ATP8A1: variants seen among roughly 807,000 people sequenced by gnomAD.
ATP8A1 encodes the protein phospholipid-transporting ATPase IA.
Under a neutral mutation model 177.7 loss-of-function variants are expected in ATP8A1, and 90 were observed. That is an observed-to-expected ratio of 0.51 (90% CI 0.43 to 0.60). ATP8A1 has a LOEUF of 0.60. ATP8A1 is among the 20% of genes least tolerant of loss of function. The probability of loss-of-function intolerance (pLI) is 0.00; values close to 1 mark genes in which losing one functional copy is unlikely to be tolerated. For missense variants in ATP8A1, 1,072 were observed against 1,392.8 expected (o/e 0.77, Z 3.67); for synonymous variants, 493 against 485.9 (o/e 1.01, Z -0.19).
chr4:42,423,622 G>A lies in ATP8A1; in HGVS notation c.3207C>T (p.Tyr1069=), dbSNP rs1191244573. The change falls in exon 34 of 37, where the codon TAC becomes TAT. Residue 1069 remains tyrosine, a synonymous_variant. Transcript: ENST00000381668. ...ATAACTGAGTATATACTTACACCTTGTACACCACATCAAGGAGCAGAGATG... is the reference window on the plus strand; with the variant it reads ...ATAACTGAGTATATACTTACACCTTATACACCACATCAAGGAGCAGAGATG... ...PVASLLLDVV[Y]KVIKRTAFKT... 3 of 1,608,132 alleles carry A rather than the reference G, an allele frequency of 1.9e-6. No homozygotes were observed. The highest frequency in any genetic ancestry group is 1.1e-5 in the South Asian group (1 of 90,038).
At chr4:42,633,862 C>T (rs1017096747) in intron 1 of ATP8A1, among the ~76,000 whole-genome samples, 4 of 152,180 alleles carry the variant, frequency 2.6e-5, no homozygotes, top group Admixed American at 6.5e-5. Flanking sequence ...TGAGTTGAGA[C>T]CTTGATGACA....
intron 18 of ATP8A1, among the ~76,000 whole-genome samples, chr4:42,550,671 C>T (rs1309588594): frequency 6.6e-6 from 1 of 152,128 alleles, no homozygotes; most frequent in Non-Finnish European, 1.5e-5. Flanking sequence ...GTGGTTCATG[C>T]CTGTAATCCC....
intron 31 of ATP8A1, among the ~76,000 whole-genome samples, chr4:42,445,685 T>C (rs994406330): frequency 8.5e-5 from 13 of 152,194 alleles, no homozygotes; most frequent in Admixed American, 5.2e-4. Context: ...GTAAGAACAG[T>C]TGAGCTTTCT....
chr4:42,478,502 C>A (rs1434845499), intron 25 of ATP8A1, among the ~76,000 whole-genome samples: 1 of 151,982 alleles, frequency 6.6e-6, no homozygotes, highest in African/African-American at 2.4e-5. Flanking sequence ...ATATGAAACA[C>A]TTGAGAATAT....
At chr4:42,433,586 G>C (rs1268727313) in intron 33 of ATP8A1, among the ~76,000 whole-genome samples, 1 of 152,110 alleles carries the variant, frequency 6.6e-6, no homozygotes, top group African/African-American at 2.4e-5. Flanking sequence ...ATTCTCAGCA[G>C]CTTTTGATTA....
chr4:42,453,569 C>T (rs1718161841), intron 29 of ATP8A1, among the ~76,000 whole-genome samples: 2 of 152,206 alleles, frequency 1.3e-5, no homozygotes, highest in South Asian at 4.1e-4. Flanking sequence ...AAACAATATA[C>T]TACCCGCTAT....
intron 33 of ATP8A1, among the ~76,000 whole-genome samples, chr4:42,427,776 GGA>G (rs1254632410): frequency 2.0e-5 from 3 of 152,226 alleles, no homozygotes; most frequent in South Asian, 2.1e-4. Context: ...GCATCCTCTT[GGA>G]GAGTCACAGC....
intron 9 of ATP8A1, among the ~76,000 whole-genome samples, chr4:42,585,634 T>G (rs898051480): frequency 1.3e-5 from 2 of 151,556 alleles, no homozygotes; most frequent in Non-Finnish European, 2.9e-5. Flanking sequence ...AATTCATAAA[T>G]TACCCAGTCT....
intron 16 of ATP8A1, 56 bp from the exon 17 acceptor site, chr4:42,552,666 A>C: frequency 8.2e-7 from 1 of 1,225,174 alleles, no homozygotes; most frequent in Non-Finnish European, 1.2e-6. Context: ...TTTGACACTG[A>C]CAGTAATATT....
At chr4:42,543,187 T>C (rs1297205283) in intron 20 of ATP8A1, among the ~76,000 whole-genome samples, 2 of 152,210 alleles carry the variant, frequency 1.3e-5, no homozygotes, top group Non-Finnish European at 1.5e-5. Flanking sequence ...ATTTAAATAA[T>C]AGGCTTGAGC....
At chr4:42,610,148 T>C (rs954574361) in intron 5 of ATP8A1, among the ~76,000 whole-genome samples, 3 of 147,298 alleles carry the variant, frequency 2.0e-5, no homozygotes, top group African/African-American at 4.9e-5. Context: ...ACATCTCTCA[T>C]TTGGCCCTTA....
At chr4:42,650,829 C>G (rs1741017103) in intron 1 of ATP8A1, among the ~76,000 whole-genome samples, 1 of 152,098 alleles carries the variant, frequency 6.6e-6, no homozygotes, top group Admixed American at 6.5e-5. Flanking sequence ...AAAGTATGAG[C>G]TCCAGAGCAG....
intron 33 of ATP8A1, among the ~76,000 whole-genome samples, chr4:42,425,222 T>C (rs1191566386): frequency 6.6e-6 from 1 of 151,884 alleles, no homozygotes; most frequent in Non-Finnish European, 1.5e-5. Context: ...TTTAATTTGG[T>C]TGGGGGGGGG....
chr4:42,632,062 A>G (rs1214165848), intron 1 of ATP8A1, among the ~76,000 whole-genome samples: 1 of 152,174 alleles, frequency 6.6e-6, no homozygotes, highest in East Asian at 1.9e-4. Context: ...TAGTCTTCTT[A>G]AATTAAGTTT....
chr4:42,478,881 T>C (rs959260029), intron 25 of ATP8A1, among the ~76,000 whole-genome samples: 3 of 152,186 alleles, frequency 2.0e-5, no homozygotes, highest in Non-Finnish European at 1.5e-5. Flanking sequence ...AGCCACCAGA[T>C]TGTGCAGCTG....
intron 21 of ATP8A1, among the ~76,000 whole-genome samples, chr4:42,523,828 A>G (rs1726395740): frequency 6.6e-6 from 1 of 152,174 alleles, no homozygotes; most frequent in African/African-American, 2.4e-5. Context: ...CCATGCTTTT[A>G]CATTTTGAAG....
intron 1 of ATP8A1, among the ~76,000 whole-genome samples, chr4:42,654,399 T>C (rs1406320851): frequency 6.6e-6 from 1 of 152,130 alleles, no homozygotes; most frequent in African/African-American, 2.4e-5. Flanking sequence ...CAGAAACCCA[T>C]TCAAGTCATT....
intron 9 of ATP8A1, 28 bp downstream of exon 9, chr4:42,586,321 T>C (rs749338584): frequency 6.2e-7 from 1 of 1,611,950 alleles, no homozygotes; most frequent in East Asian, 2.2e-5. Flanking sequence ...GTGGATTCTG[T>C]GTTTTTATAA....
intron 22 of ATP8A1, among the ~76,000 whole-genome samples, chr4:42,515,137 A>G (rs1725401620): frequency 6.6e-6 from 1 of 152,212 alleles, no homozygotes; most frequent in African/African-American, 2.4e-5. Flanking sequence ...AAGAGTGAAA[A>G]TTGCGGAGCT....
Sources: allele counts gnomAD v4.1 joint callset (sites outside exome capture counted in the v4.1 genomes callset), GRCh38; gene constraint gnomAD v4.1.1; transcripts MANE v1.5; gene names NCBI Gene and HGNC (gene_info 2026-07-23, HGNC 2026-07-21).